Variants in IQCF3 observed in about 807,000 individuals in gnomAD.
IQCF3 encodes the protein IQ domain-containing protein F3.
In IQCF3, 7 loss-of-function variants were observed where a neutral mutation model predicts 5.1. That is an observed-to-expected ratio of 1.36 (90% CI 0.78 to 2.56). The LOEUF is 2.56. Among genes scored for constraint, IQCF3 ranks in the 30% most tolerant of loss-of-function variants. The probability of loss-of-function intolerance (pLI) is 0.00; values close to 1 mark genes in which losing one functional copy is unlikely to be tolerated. For missense variants in IQCF3, 189 were observed against 196.5 expected, an observed-to-expected ratio of 0.96 and a Z score of 0.23; for synonymous variants, 82 against 72.8, an observed-to-expected ratio of 1.13 and a Z score of -0.64.
chr3:51,830,825 G>C lies in IQCF3; in HGVS notation c.*24G>C. 5 of 1,541,710 alleles carry C rather than the reference G, an allele frequency of 3.2e-6. No homozygotes were observed. The highest frequency in any genetic ancestry group is 4.4e-6 in the Non-Finnish European group (5 of 1,143,290). Reference sequence around the variant, plus strand: ...GAAAGGCCTGGGGCATGGAGAACAGGCTGCACTACCCTAATAAATGTCTGA... The same window carrying C: ...GAAAGGCCTGGGGCATGGAGAACAGCCTGCACTACCCTAATAAATGTCTGA... On this transcript the variant is annotated 3_prime_UTR_variant, in exon 3 of 3. Transcript: ENST00000440739. This position sits in a 1 kb window ranked among gnomAD's most constrained non-coding sequence, Gnocchi z 4.1.
At chr3:51,829,574 C>G (rs907939568) in intron 1 of IQCF3, 81 bp downstream of exon 1, 5 of 1,591,192 alleles carry the variant, frequency 3.1e-6, no homozygotes, top group Admixed American at 1.8e-5. Context: ...TTCTTAGGAC[C>G]CAGGCAAAGA....
chr3:51,830,822 C>T lies in IQCF3; in HGVS notation c.*21C>T. ...TCTGAAAGGCCTGGGGCATGGAGAA[C>T]AGGCTGCACTACCCTAATAAATGTC... On this transcript the variant is annotated 3_prime_UTR_variant, in exon 3 of 3. Transcript: ENST00000440739. The surrounding 1 kb of genome is among the most constrained non-coding windows in gnomAD (Gnocchi z 4.1). 2 of 1,545,560 alleles carry T rather than the reference C, an allele frequency of 1.3e-6. No homozygotes were observed. Among genetic ancestry groups the T allele is most frequent in the Non-Finnish European group, 1.7e-6 (2 of 1,144,710 alleles).
At chr3:51,828,135 T>C (rs983513592), upstream of IQCF3, 2 of 152,212 alleles carry the variant, frequency 1.3e-5, no homozygotes, top group Admixed American at 6.5e-5. Flanking sequence ...CCTATTTTTT[T>C]TTCTTTCTGG....
chr3:51,829,813 T>C (rs762880827), intron 2 of IQCF3, 101 bp downstream of exon 2: 20 of 1,170,430 alleles, frequency 1.7e-5, no homozygotes, highest in African/African-American at 3.0e-5. Flanking sequence ...ATTGCCCTCT[T>C]ATCCCCTCAA....
Position 51,830,388 on chromosome 3 carries a change from G to A in IQCF3, c.67-15G>A, listed in dbSNP as rs1294473815. 1.3e-6 allele frequency: 2 copies of A among 1,525,248 alleles called. No individual in the cohort carries two copies. The highest frequency in any genetic ancestry group is 1.8e-6 in the Non-Finnish European group (2 of 1,138,430). 94.5% of individuals were successfully genotyped at this position (1,525,248 alleles called of 1,614,324 possible). On this transcript the variant is annotated splice_polypyrimidine_tract_variant and intron_variant, in intron 2 of 2. Coordinates refer to ENST00000440739, the MANE Select transcript of IQCF3 (RefSeq NM_001393887.1). The surrounding 1 kb of genome is among the most constrained non-coding windows in gnomAD (Gnocchi z 4.1). ...GTGATAAATTCACTGGGAGTCCTCT[G>A]CTTTGCTTGGCCAGTTGCTTCTTGC...
At chr3:51,829,356 C>T, upstream of IQCF3, 1 of 1,128,194 alleles carries the variant, frequency 8.9e-7, no homozygotes, top group Non-Finnish European at 1.3e-6. Flanking sequence ...GCACTGTGGC[C>T]CCTGGTCATA....
chr3:51,830,654 G>T lies in IQCF3; in HGVS notation c.318G>T (p.Arg106=). Reference sequence around the variant, plus strand: ...CCTGCATCCGCATGTGGCAGTGCCGGCAATGTTACCGCCAAATGTGCAATG... The same window carrying T: ...CCTGCATCCGCATGTGGCAGTGCCGTCAATGTTACCGCCAAATGTGCAATG... ...LQSCIRMWQC[R]QCYRQMCNAL... is the part of the protein sequence containing the mutation. Residue 106 remains arginine (R), a synonymous_variant, in exon 3 of 3, where the codon CGG becomes CGT. Transcript: ENST00000440739. This position sits in a 1 kb window ranked among gnomAD's most constrained non-coding sequence, Gnocchi z 4.1. 6.2e-7 allele frequency: 1 copy of T among 1,614,010 alleles called. No individual in the cohort carries two copies. The highest frequency in any genetic ancestry group is 2.2e-5 in the East Asian group (1 of 44,878).
rs1441444882 is a variant in IQCF3 at position 51,830,020 on chromosome 3, A to G, written c.66+308A>G. The stretch of plus-strand genomic sequence containing the variant: ...AGGGGAGACCCCAAAGGGCTGCAGC[A>G]CCACGCAAGACATTAGGAGGCAGCA... On this transcript the variant is annotated intron_variant, in intron 2 of 2. Transcript: ENST00000440739. The surrounding 1 kb of genome is among the most constrained non-coding windows in gnomAD (Gnocchi z 4.1). 6.6e-6 allele frequency among the ~76,000 whole-genome samples: 1 copy of G among 152,206 alleles called. No homozygotes were observed. The highest frequency in any genetic ancestry group is 2.4e-5 in the African/African-American group (1 of 41,458).
rs780896258 is a variant in IQCF3, at chr3:51,830,426, C to T, written c.90C>T (p.His30=). 1 of 1,551,886 alleles carries T rather than the reference C, an allele frequency of 6.4e-7. No individual in the cohort carries two copies. Among genetic ancestry groups the T allele is most frequent in the Non-Finnish European group, 8.7e-7 (1 of 1,151,856 alleles). ...RQKLLLAQLH[H]RKRVKAAGQI... ...AGTTGCTTCTTGCACAACTGCATCACAGAAAAAGGGTGAAGGCAGCTGGGC... is the reference window on the plus strand; with the variant it reads ...AGTTGCTTCTTGCACAACTGCATCATAGAAAAAGGGTGAAGGCAGCTGGGC... The change falls in exon 3 of 3, where the codon CAC becomes CAT. Residue 30 remains histidine, a synonymous_variant. Transcript: ENST00000440739. The surrounding 1 kb of genome is among the most constrained non-coding windows in gnomAD (Gnocchi z 4.1).
At chr3:51,829,780 TG>T in intron 2 of IQCF3, 68 bp downstream of exon 2, 1 of 1,482,150 alleles carries the variant, frequency 6.7e-7, no homozygotes. Context: ...GTTCTTAGAA[TG>T]GAGATCCATC....
Position 51,830,469 on chromosome 3 carries a change from C to G in IQCF3, c.133C>G (p.Arg45Gly). ...AGCTGGGCAGATCCAGGCCTGGTGG[C>G]GTGGGGTCCTGGTGCGCAGGACCCT... ...KAAGQIQAWW[R>G]GVLVRRTLLV... Residue 45 changes from arginine to glycine, a missense_variant, in exon 3 of 3, where the codon CGT becomes GGT. Transcript: ENST00000440739. This position sits in a 1 kb window ranked among gnomAD's most constrained non-coding sequence, Gnocchi z 4.1. The G allele has an allele frequency of 6.2e-7, 1 of 1,606,096 alleles. No individual in the cohort carries two copies. Among genetic ancestry groups the G allele is most frequent in the Non-Finnish European group, 8.5e-7 (1 of 1,176,462 alleles).
intron 2 of IQCF3, chr3:51,829,937 G>C: frequency 1.8e-6 from 1 of 571,388 alleles, no homozygotes; most frequent in South Asian, 2.1e-5. Context: ...AAGTGGAAAG[G>C]CCCAGGAGAA....
upstream of IQCF3, chr3:51,829,203 G>A: frequency 2.0e-6 from 1 of 509,728 alleles, no homozygotes; most frequent in Non-Finnish European, 3.6e-6. Flanking sequence ...GGAAGGAAAG[G>A]CAACCATGAA....
Position 51,830,485 on chromosome 3 carries a change from G to A in IQCF3, c.149G>A (p.Arg50His), listed in dbSNP as rs200518397. 1.1e-4 allele frequency: 183 copies of A among 1,612,832 alleles called. 4 individuals are homozygous for A. The Middle Eastern group carries it at 1.6e-3, about 15-fold the overall frequency. ...GCCTGGTGGCGTGGGGTCCTGGTGC[G>A]CAGGACCCTGCTGGTTGCTGCCCTC... ...IQAWWRGVLV[R>H]RTLLVAALRA... Residue 50 changes from arginine (R) to histidine (H), a missense_variant, in exon 3 of 3, where the codon CGC becomes CAC. Coordinates refer to ENST00000440739, the MANE Select transcript of IQCF3 (RefSeq NM_001393887.1). The surrounding 1 kb of genome is among the most constrained non-coding windows in gnomAD (Gnocchi z 4.1).
chr3:51,829,099 A>G (rs1176233590), upstream of IQCF3, among the ~76,000 whole-genome samples: 1 of 152,212 alleles, frequency 6.6e-6, no homozygotes, highest in Non-Finnish European at 1.5e-5. Flanking sequence ...AAAATCTATG[A>G]TCCTGGATGG....
chr3:51,828,642 C>T (rs1449012414), upstream of IQCF3: 1 of 152,026 alleles, frequency 6.6e-6, no homozygotes, highest in Non-Finnish European at 1.5e-5. Context: ...TTTGTTGTTG[C>T]CAGGTTTTGG....
upstream of IQCF3, among the ~76,000 whole-genome samples, chr3:51,827,630 T>A (rs1698305668): frequency 6.6e-6 from 1 of 152,060 alleles, no homozygotes; most frequent in Non-Finnish European, 1.5e-5. Context: ...ATGAAGTTCT[T>A]TTTTGTTGGT....
At chr3:51,829,248 A>G, upstream of IQCF3, 2 of 585,554 alleles carry the variant, frequency 3.4e-6, no homozygotes, top group East Asian at 5.8e-5. Flanking sequence ...CTGAGAAATG[A>G]TATTTGCACA....
upstream of IQCF3, chr3:51,828,787 G>A (rs909334176): frequency 2.6e-5 from 4 of 152,102 alleles, no homozygotes; most frequent in African/African-American, 9.7e-5. Context: ...GATCCTTCTT[G>A]TCCTGCGCTT....
Sources: gnomAD v4.1 joint callset for allele counts (sites outside exome capture counted in the v4.1 genomes callset) on GRCh38, gnomAD v4.1.1 for gene constraint, Gnocchi (gnomAD v3.1) non-coding constraint, MANE v1.5 for transcripts, NCBI Gene and HGNC (gene_info 2026-07-23, HGNC 2026-07-21) for gene names.